ELOVL5: variants seen among roughly 807,000 people sequenced by gnomAD.
ELOVL5 encodes the protein very long chain fatty acid elongase 5.
Under a neutral mutation model 38.6 loss-of-function variants are expected in ELOVL5, and 8 were observed. That is an observed-to-expected ratio of 0.21 (90% CI 0.12 to 0.37). The LOEUF (loss-of-function observed/expected upper bound fraction) is 0.37, where lower values mean the gene tolerates loss of function less well. Ranked by LOEUF, ELOVL5 falls within the 10% of genes least tolerant of loss-of-function variation. The pLI is 1.00. For synonymous variants in ELOVL5, 127 were observed against 133.7 expected (o/e 0.95, Z 0.34); for missense variants, 280 against 367.8 (o/e 0.76, Z 1.95).
intron 1 of ELOVL5, among the ~76,000 whole-genome samples, chr6:53,336,487 T>C (rs572026300): frequency 7.2e-5 from 11 of 152,274 alleles, no homozygotes; most frequent in Admixed American, 2.6e-4. Flanking sequence ...CGGTGAAACC[T>C]TGTCTCTACC....
At chr6:53,298,182 A>G (rs1767094086) in intron 1 of ELOVL5, among the ~76,000 whole-genome samples, 1 of 152,182 alleles carries the variant, frequency 6.6e-6, no homozygotes, top group South Asian at 2.1e-4. Flanking sequence ...GGCCATGTAT[A>G]TGGAGGTCAC....
intron 1 of ELOVL5, among the ~76,000 whole-genome samples, chr6:53,310,249 T>C (rs1767776225): frequency 6.6e-6 from 1 of 152,238 alleles, no homozygotes; most frequent in Non-Finnish European, 1.5e-5. Context: ...TACAACACTT[T>C]TGTTACTAGC....
At chr6:53,346,739 G>T (rs1414490629) in intron 1 of ELOVL5, among the ~76,000 whole-genome samples, 1 of 152,154 alleles carries the variant, frequency 6.6e-6, no homozygotes, top group East Asian at 1.9e-4. Context: ...GCTTTGATTT[G>T]TGTAATTCAA....
intron 3 of ELOVL5, among the ~76,000 whole-genome samples, chr6:53,278,175 C>T (rs912599850): frequency 1.3e-5 from 2 of 151,984 alleles, no homozygotes; most frequent in African/African-American, 4.8e-5. Flanking sequence ...CTGTTTTTTC[C>T]AGCGACTATT....
At chr6:53,343,506 C>T (rs1240066040) in intron 1 of ELOVL5, among the ~76,000 whole-genome samples, 1 of 152,162 alleles carries the variant, frequency 6.6e-6, no homozygotes, top group Non-Finnish European at 1.5e-5. Context: ...AGCCACCGTG[C>T]CCAGCCAACA....
intron 1 of ELOVL5, among the ~76,000 whole-genome samples, chr6:53,317,202 G>A (rs1384465733): frequency 6.6e-6 from 1 of 152,120 alleles, no homozygotes; most frequent in Non-Finnish European, 1.5e-5. Flanking sequence ...TTCACTAAAT[G>A]GTCTGCTAAT....
intron 4 of ELOVL5, 144 bp downstream of exon 4, chr6:53,276,035 G>C (rs1383640895): frequency 1.7e-6 from 1 of 587,772 alleles, no homozygotes. Context: ...AATTTGATGT[G>C]TATATATTGC....
In ELOVL5 at chr6:53,269,029, C is replaced by T; in HGVS notation, c.*98G>A. The T allele has an allele frequency of 7.1e-7, 1 of 1,412,200 alleles. No individual in the cohort carries two copies. The highest frequency in any genetic ancestry group is 9.7e-7 in the Non-Finnish European group (1 of 1,029,674). 87.5% of individuals were successfully genotyped at this position (1,412,200 alleles called of 1,614,324 possible). Reference sequence around the variant, plus strand: ...CCTACATGAATCACACTATTGTAGGCCAGACTAGTTACAGCAGCTGTTAAC... The same window carrying T: ...CCTACATGAATCACACTATTGTAGGTCAGACTAGTTACAGCAGCTGTTAAC... On this transcript the variant is annotated 3_prime_UTR_variant, in exon 8 of 8. Transcript: ENST00000304434.
chr6:53,321,712 TA>T (rs1227773309), intron 1 of ELOVL5, among the ~76,000 whole-genome samples: 1 of 152,246 alleles, frequency 6.6e-6, no homozygotes. Flanking sequence ...TAGTCTAATG[TA>T]AAACACTATA....
At chr6:53,323,863 C>T (rs960605074) in intron 1 of ELOVL5, among the ~76,000 whole-genome samples, 2 of 152,110 alleles carry the variant, frequency 1.3e-5, no homozygotes, top group South Asian at 2.1e-4. Context: ...CATGGGCCAC[C>T]GCACCCGGCC....
chr6:53,303,435 C>A (rs1007997236), intron 1 of ELOVL5, among the ~76,000 whole-genome samples: 3 of 152,284 alleles, frequency 2.0e-5, no homozygotes, highest in Non-Finnish European at 4.4e-5. Context: ...TCTCTTTCTT[C>A]CCCCTGCAGA....
chr6:53,348,025 C>CCG (rs1339879269), intron 1 of ELOVL5, among the ~76,000 whole-genome samples: 1 of 151,634 alleles, frequency 6.6e-6, no homozygotes, highest in African/African-American at 2.4e-5. Flanking sequence ...CACAACCGCC[C>CCG]CCCCGCCGCG....
At chr6:53,295,603 G>A (rs1475673841) in intron 2 of ELOVL5, 39 bp downstream of exon 2, 2 of 1,407,788 alleles carry the variant, frequency 1.4e-6, no homozygotes, top group East Asian at 2.3e-5. Context: ...GGCAGGGAGT[G>A]ATGCTGCAGA....
intron 6 of ELOVL5, among the ~76,000 whole-genome samples, chr6:53,272,722 T>G (rs1422901198): frequency 6.6e-6 from 1 of 152,160 alleles, no homozygotes. Flanking sequence ...AGCAAACAGC[T>G]GCCATCCTCA....
At chr6:53,323,803 G>C (rs1018434271) in intron 1 of ELOVL5, among the ~76,000 whole-genome samples, 2 of 151,904 alleles carry the variant, frequency 1.3e-5, no homozygotes, top group Non-Finnish European at 2.9e-5. Flanking sequence ...GGCTGGTCTC[G>C]AACTCCCGAC....
In ELOVL5 at chr6:53,273,093, T is replaced by G; in HGVS notation, c.621+127A>C. The G allele has an allele frequency of 3.8e-6, 4 of 1,054,288 alleles. No homozygotes were observed. The South Asian group carries it at 6.2e-5, about 16-fold the overall frequency. The allele number at this position is 1,054,288 out of a possible 1,614,324, so 65.3% of individuals were successfully genotyped here. ...TCCCTAATCTACCCACTTCAAGGAA[T>G]TTAATTACATCAAATGAAAAAGGGT... On this transcript the variant is annotated intron_variant, in intron 6 of 7. Transcript: ENST00000304434.
chr6:53,293,144 C>G (rs1443061878), intron 2 of ELOVL5, among the ~76,000 whole-genome samples: 1 of 152,080 alleles, frequency 6.6e-6, no homozygotes, highest in East Asian at 1.9e-4. Context: ...AAGCATGCTC[C>G]CCTTTGAACC....
In ELOVL5 at chr6:53,291,782, G is replaced by T. The variant is rs1217818758; in HGVS notation, c.240C>A (p.Phe80Leu). 1 of 1,610,384 alleles carries T rather than the reference G, an allele frequency of 6.2e-7. No individual in the cohort carries two copies. ...GTGTTAACCTTTGACTTACCTCACA[G>T]AACATATACAGAGACAGCAGTGTGA... ...LGLTLLSLYM[F>L]CELVTGVWEG... Residue 80 changes from phenylalanine to leucine, a missense_variant, in exon 3 of 8, where the codon TTC (phenylalanine) becomes TTA (leucine). This residue lies in a region of ELOVL5 where 150 missense variants were observed against 178.0 expected (regional missense o/e 0.84). Coordinates refer to ENST00000304434, the MANE Select transcript of ELOVL5 (RefSeq NM_021814.5).
At chr6:53,336,667 T>C (rs2127593420) in intron 1 of ELOVL5, among the ~76,000 whole-genome samples, 1 of 152,274 alleles carries the variant, frequency 6.6e-6, no homozygotes, top group East Asian at 1.9e-4. Flanking sequence ...CCAGTTTCCA[T>C]GATCATTTTA....
Sources: gnomAD v4.1 joint callset for allele counts (sites outside exome capture counted in the v4.1 genomes callset) on GRCh38, gnomAD v4.1.1 for gene constraint, gnomAD v4.1.1 regional missense constraint, MANE v1.5 for transcripts, NCBI Gene and HGNC (gene_info 2026-07-23, HGNC 2026-07-21) for gene names.